Variants in TOX3 observed in about 807,000 individuals in gnomAD.
TOX3 encodes the protein CAG trinucleotide repeat-containing gene F9 protein.
A neutral mutation model predicts 64.3 loss-of-function variants in TOX3; 22 were observed. That is an observed-to-expected ratio of 0.34 (90% CI 0.24 to 0.49). The LOEUF (loss-of-function observed/expected upper bound fraction) is 0.49, where lower values mean the gene tolerates loss of function less well. Ranked by LOEUF, TOX3 falls within the 20% of genes least tolerant of loss-of-function variation. The pLI is 0.99. For missense variants in TOX3, 661 were observed against 714.4 expected (o/e 0.93, Z 0.85); for synonymous variants, 291 against 273.6 (o/e 1.06, Z -0.63).
In TOX3 at chr16:52,508,092, C is replaced by T. The variant is rs1962209746; in HGVS notation, c.87+38545G>A. 2.0e-5 allele frequency among the ~76,000 whole-genome samples: 3 copies of T among 152,144 alleles called. No homozygotes were observed. The South Asian group carries it at 6.2e-4, about 31-fold the overall frequency. ...AGAAATACGCTATCATAGCAGGACA[C>T]CTGTAAGTTTCCATTGTATAAGAAA... is the stretch of plus-strand genomic sequence containing the variant. On this transcript the variant is annotated intron_variant, in intron 1 of 6. Transcript: ENST00000219746.
chr16:52,448,404 G>A (rs1479952962), intron 4 of TOX3, among the ~76,000 whole-genome samples: 1 of 152,036 alleles, frequency 6.6e-6, no homozygotes, highest in African/African-American at 2.4e-5. Context: ...ACGTGTGATT[G>A]GAGGGAAAGG....
chr16:52,503,960 G>C (rs1326956527), intron 1 of TOX3, among the ~76,000 whole-genome samples: 1 of 152,068 alleles, frequency 6.6e-6, no homozygotes, highest in Non-Finnish European at 1.5e-5. Flanking sequence ...GTCATACTCT[G>C]GTATTTGTTC....
At chr16:52,450,167 T>C (rs67375262) in intron 4 of TOX3, 110 bp downstream of exon 4, 233,868 of 1,275,934 alleles carry the variant, frequency 0.18, 30,007 homozygotes, top group East Asian at 0.69. Context: ...ATTTAAATGC[T>C]ACTCCAAATC....
At chr16:52,536,627 C>CTATATATATATATA (rs57164139) in intron 1 of TOX3, among the ~76,000 whole-genome samples, 3 of 34,260 alleles carry the variant, frequency 8.8e-5, no homozygotes, top group Non-Finnish European at 1.1e-4. Context: ...TAGATATACA[C>CTATATATATATATA]TATATATATA....
At chr16:52,496,802 T>C (rs547226981) in intron 1 of TOX3, among the ~76,000 whole-genome samples, 8 of 152,302 alleles carry the variant, frequency 5.3e-5, no homozygotes, top group Admixed American at 3.9e-4. Flanking sequence ...GAAAAGATCT[T>C]TGTTGCTCAG....
chr16:52,505,970 T>C (rs1287473188), intron 1 of TOX3, among the ~76,000 whole-genome samples: 1 of 152,092 alleles, frequency 6.6e-6, no homozygotes, highest in East Asian at 1.9e-4. Context: ...AGCAAGACCC[T>C]GTCTCAAAAA....
rs117337996 is a variant in TOX3, at chr16:52,459,663, G to A, written c.408+4271C>T. 9.2e-3 allele frequency among the ~76,000 whole-genome samples: 1,394 copies of A among 152,156 alleles called. 9 individuals are homozygous for A. Among genetic ancestry groups the A allele is most frequent in the Non-Finnish European group, 0.015 (1,010 of 68,002 alleles). On this transcript the variant is annotated intron_variant, in intron 3 of 6. Transcript: ENST00000219746. ...CTCTATTGACAATGGCAATGAATGC[G>A]TTCATAACAATAATAAAGGCTTGTT... is the stretch of plus-strand genomic sequence containing the variant.
At chr16:52,440,912 C>G (rs1020243717) in intron 6 of TOX3, among the ~76,000 whole-genome samples, 3 of 151,808 alleles carry the variant, frequency 2.0e-5, no homozygotes, top group Non-Finnish European at 2.9e-5. Context: ...AGGTGCCCAC[C>G]ACCACACCCA....
At chr16:52,516,335 A>G (rs1045091160) in intron 1 of TOX3, among the ~76,000 whole-genome samples, 1 of 152,192 alleles carries the variant, frequency 6.6e-6, no homozygotes, top group African/African-American at 2.4e-5. Flanking sequence ...ATATACAGAT[A>G]GACACATAAA....
intron 1 of TOX3, among the ~76,000 whole-genome samples, chr16:52,517,508 A>G (rs1382037439): frequency 1.3e-5 from 2 of 152,158 alleles, no homozygotes; most frequent in African/African-American, 4.8e-5. Context: ...AAGGGTGTCT[A>G]TAAGTAGGAG....
intron 1 of TOX3, among the ~76,000 whole-genome samples, chr16:52,483,567 T>TTG (rs1555483918): frequency 1.4e-5 from 2 of 143,168 alleles, no homozygotes; most frequent in Admixed American, 7.0e-5. Context: ...CAGTTTGGTT[T>TTG]TTTTTTTTTT....
intron 1 of TOX3, among the ~76,000 whole-genome samples, chr16:52,503,117 G>T (rs879909574): frequency 6.6e-6 from 1 of 152,176 alleles, no homozygotes; most frequent in Non-Finnish European, 1.5e-5. Flanking sequence ...ATTATTATTA[G>T]TATCTACCTT....
At chr16:52,504,466 CAAAAA>C (rs71141197) in intron 1 of TOX3, among the ~76,000 whole-genome samples, 1 of 94,080 alleles carries the variant, frequency 1.1e-5, no homozygotes, top group Non-Finnish European at 2.0e-5. Flanking sequence ...GACTCCGTCT[CAAAAA>C]AAAAAAAAAA....
intron 6 of TOX3, among the ~76,000 whole-genome samples, chr16:52,441,403 A>T (rs561024265): frequency 2.9e-4 from 44 of 152,334 alleles, no homozygotes; most frequent in Non-Finnish European, 4.9e-4. Context: ...AAAATGTTCA[A>T]CTTCATGGGA....
rs114374058 is a variant in TOX3, at chr16:52,519,318, G to A, written c.87+27319C>T. 1.7e-3 allele frequency: 2,142 copies of A among 1,283,480 alleles called. 31 individuals carry two copies. In the African/African-American group the frequency reaches 0.023, roughly 14 times the overall value. The allele number at this position is 1,283,480 out of a possible 1,614,324, so 79.5% of individuals were successfully genotyped here. On this transcript the variant is annotated intron_variant, in intron 1 of 6. Coordinates refer to ENST00000219746, the MANE Select transcript of TOX3 (RefSeq NM_001080430.4). Reference sequence around the variant, plus strand: ...TCTTAAACTAGAAATGTAAGGGTTAGTGCATTCATCAGACAAACTGATAAA... The same window carrying A: ...TCTTAAACTAGAAATGTAAGGGTTAATGCATTCATCAGACAAACTGATAAA...
In TOX3 at chr16:52,438,902, G is replaced by A. The variant is rs1360071901; in HGVS notation, c.*323C>T. ...ATTTTTCTATGACTCAGAGAGGCCA[G>A]TTTATAGTCATCAGTATGTCCCAGG... On this transcript the variant is annotated 3_prime_UTR_variant, in exon 7 of 7. Transcript: ENST00000219746. The A allele has an allele frequency of 5.5e-6, 3 of 540,566 alleles. No individual in the cohort carries two copies. The Admixed American group carries it at 5.8e-5, about 10-fold the overall frequency. 33.5% of individuals were successfully genotyped at this position (540,566 alleles called of 1,614,324 possible).
chr16:52,476,038 G>T (rs911632347), intron 1 of TOX3, among the ~76,000 whole-genome samples: 1 of 152,162 alleles, frequency 6.6e-6, no homozygotes, highest in South Asian at 2.1e-4. Flanking sequence ...ATAGAGCACA[G>T]GCTGTTTTGT....
At chr16:52,532,208 A>T (rs1489684799) in intron 1 of TOX3, among the ~76,000 whole-genome samples, 1 of 152,204 alleles carries the variant, frequency 6.6e-6, no homozygotes, top group African/African-American at 2.4e-5. Flanking sequence ...CTGTCTATCC[A>T]TGCCCTTCTG....
intron 6 of TOX3, among the ~76,000 whole-genome samples, chr16:52,440,748 CTTTCTT>C (rs1959946745): frequency 2.2e-5 from 2 of 89,456 alleles, no homozygotes; most frequent in Admixed American, 1.2e-4. Context: ...ATTTTTCTTT[CTTTCTT>C]TTTTTTTTTT....
Sources: gnomAD v4.1 joint callset for allele counts (sites outside exome capture counted in the v4.1 genomes callset) on GRCh38, gnomAD v4.1.1 for gene constraint, MANE v1.5 for transcripts, NCBI Gene and HGNC (gene_info 2026-07-23, HGNC 2026-07-21) for gene names.